Variants in MCTP2 observed in about 807,000 individuals in gnomAD.
MCTP2 encodes the protein multiple C2 and transmembrane domain containing 2.
A neutral mutation model predicts 111.6 loss-of-function variants in MCTP2; 132 were observed. The ratio of observed to expected loss-of-function variants is 1.18; its 90% CI spans 1.03 to 1.37. The LOEUF (loss-of-function observed/expected upper bound fraction) is 1.37. MCTP2 is among the 40% of genes most tolerant of loss of function. The pLI is 0.00. For missense variants in MCTP2, 1,183 were observed against 1,067.9 expected (o/e 1.11, Z -1.50); for synonymous variants, 395 against 387.7 (o/e 1.02, Z -0.22).
In MCTP2 at chr15:94,369,801, G is replaced by A. The variant is rs73450106; in HGVS notation, c.1489-286G>A. On this transcript the variant is annotated intron_variant, in intron 11 of 22. Transcript: ENST00000357742. Reference sequence around the variant, plus strand: ...AATTCTACCCACACGTTTTCCTGGTGGGATATCTATGCCATCACCAGGGGC... The same window carrying A: ...AATTCTACCCACACGTTTTCCTGGTAGGATATCTATGCCATCACCAGGGGC... Among the ~76,000 whole-genome samples the A allele has an allele frequency of 0.032, 4,934 of 152,226 alleles. 263 individuals are homozygous for A. The highest frequency in any genetic ancestry group is 0.11 in the African/African-American group (4,523 of 41,504).
rs1013894775 is a variant in MCTP2, at chr15:94,479,990, G to A, written c.*956G>A. ...AGCAGGAAGTAGAAATACTTTGGCTGCCCAAATGTATCTTTTGTTCCTCTT... is the reference window on the plus strand; with the variant it reads ...AGCAGGAAGTAGAAATACTTTGGCTACCCAAATGTATCTTTTGTTCCTCTT... On this transcript the variant is annotated 3_prime_UTR_variant, in exon 23 of 23. Transcript: ENST00000357742. The A allele has an allele frequency of 6.6e-6, 1 of 152,068 alleles. No individual in the cohort carries two copies. Among genetic ancestry groups the A allele is most frequent in the South Asian group, 2.1e-4 (1 of 4,820 alleles). The allele number at this position is 152,068 out of a possible 1,614,324, so 9.4% of individuals were successfully genotyped here. A position where few individuals can be genotyped will look rare whatever the true frequency, so the allele number is the denominator to read the frequency against.
intron 7 of MCTP2, 113 bp downstream of exon 7, chr15:94,341,037 G>T (rs757212228): frequency 1.4e-6 from 1 of 701,240 alleles, no homozygotes; most frequent in South Asian, 1.6e-5. Flanking sequence ...AATTATTTTA[G>T]GGGGGGTGCA....
intron 8 of MCTP2, among the ~76,000 whole-genome samples, chr15:94,349,044 G>A (rs1042761095): frequency 5.3e-5 from 8 of 151,832 alleles, no homozygotes; most frequent in Non-Finnish European, 7.4e-5. Flanking sequence ...GTCTCTATCT[G>A]TCTTCTATCT....
At position 94,340,227 on chromosome 15, in the gene MCTP2, A is replaced by AT. The variant is rs1214862082; in HGVS notation, c.812dup (p.Met272HisfsTer10). 4 of 1,613,022 alleles carry AT rather than the reference A, an allele frequency of 2.5e-6. No homozygotes were observed. Among genetic ancestry groups the AT allele is most frequent in the Admixed American group, 3.3e-5 (2 of 59,972 alleles). ...TATGATCGAGATTTAACCACATCTG[A>AT]TTTCATGGGTTCTGCATTTGTCATT... is the stretch of plus-strand genomic sequence containing the variant. On this transcript the variant is annotated frameshift_variant, in exon 6 of 23. Coordinates refer to ENST00000357742, the MANE Select transcript of MCTP2 (RefSeq NM_001385001.1). LOFTEE classifies it high-confidence loss of function.
Position 94,340,307 on chromosome 15 carries a change from A to T in MCTP2, c.857+32A>T, listed in dbSNP as rs2077566373. On this transcript the variant is annotated intron_variant, in intron 6 of 22. Coordinates refer to ENST00000357742, the MANE Select transcript of MCTP2 (RefSeq NM_001385001.1). ...TATTTTTACATTTTAATTGTTATTG[A>T]TGAGTTTTAGAGGGAACTTACGATA... 8 of 1,518,348 alleles carry T rather than the reference A, an allele frequency of 5.3e-6. No individual in the cohort carries two copies. In the East Asian group the frequency reaches 1.8e-4, roughly 34 times the overall value. 94.1% of individuals were successfully genotyped at this position (1,518,348 alleles called of 1,614,324 possible). A position where few individuals can be genotyped will look rare whatever the true frequency, so the allele number is the denominator to read the frequency against.
chr15:94,478,225 C>T (rs954765704), intron 22 of MCTP2, among the ~76,000 whole-genome samples: 1 of 152,202 alleles, frequency 6.6e-6, no homozygotes, highest in African/African-American at 2.4e-5. Flanking sequence ...TCCCTCAAGC[C>T]CCCAAGGATT....
rs1567765587 is a variant in MCTP2 at position 94,464,371 on chromosome 15, G to GATTTAATGTTGTTTATAATATCCTCTT, written c.2361-5944_2361-5943insTATCCTCTTATTTAATGTTGTTTATAA. On this transcript the variant is annotated intron_variant, in intron 20 of 22. Coordinates refer to ENST00000357742, the MANE Select transcript of MCTP2 (RefSeq NM_001385001.1). ...CTTTCATATAAATTTTCTACTTGTT[G>GATTTAATGTTGTTTATAATATCCTCTT]ATTTAATGTTGTTTATAACATCCTC... Among the ~76,000 whole-genome samples, 8 of 133,978 alleles carry GATTTAATGTTGTTTATAATATCCTCTT rather than the reference G, an allele frequency of 6.0e-5. No individual in the cohort carries two copies. In the East Asian group the frequency reaches 1.0e-3, roughly 17 times the overall value. The allele number at this position is 133,978 out of a possible 152,430, so 87.9% of individuals were successfully genotyped here.
At chr15:94,468,817 G>A (rs969191031) in intron 20 of MCTP2, among the ~76,000 whole-genome samples, 5 of 152,044 alleles carry the variant, frequency 3.3e-5, no homozygotes, top group African/African-American at 1.2e-4. Flanking sequence ...TAGTAGAGAT[G>A]AGATTTCACC....
At chr15:94,259,654 AT>A (rs2073061396) in intron 1 of MCTP2, among the ~76,000 whole-genome samples, 1 of 152,166 alleles carries the variant, frequency 6.6e-6, no homozygotes, top group African/African-American at 2.4e-5. Flanking sequence ...AAATTCTTAA[AT>A]TTCTGAACTC....
intron 20 of MCTP2, among the ~76,000 whole-genome samples, chr15:94,461,513 C>T (rs967505565): frequency 2.0e-5 from 3 of 152,062 alleles, no homozygotes; most frequent in African/African-American, 7.2e-5. Flanking sequence ...AGACAGCAGG[C>T]AGAGTGGTGC....
At chr15:94,241,101 T>A (rs954378471) in intron 1 of MCTP2, among the ~76,000 whole-genome samples, 2 of 151,216 alleles carry the variant, frequency 1.3e-5, no homozygotes, top group Non-Finnish European at 2.9e-5. Flanking sequence ...ACTCCACTTA[T>A]CCCCAGCAGA....
chr15:94,395,898 C>A (rs2081258631), intron 14 of MCTP2, among the ~76,000 whole-genome samples: 1 of 152,114 alleles, frequency 6.6e-6, no homozygotes, highest in Non-Finnish European at 1.5e-5. Flanking sequence ...CAGCTGTTAG[C>A]ATGCTCTATA....
intron 2 of MCTP2, among the ~76,000 whole-genome samples, chr15:94,313,256 ACT>A (rs1256627780): frequency 6.6e-6 from 1 of 151,918 alleles, no homozygotes; most frequent in African/African-American, 2.4e-5. Context: ...CAGCCCAGAA[ACT>A]CTGTTAAAGT....
intron 1 of MCTP2, among the ~76,000 whole-genome samples, chr15:94,243,652 T>C (rs2071326488): frequency 6.7e-6 from 1 of 149,208 alleles, no homozygotes; most frequent in African/African-American, 2.5e-5. Context: ...TATATATGTA[T>C]ACACATATGC....
At chr15:94,291,458 G>T (rs2075026364) in intron 1 of MCTP2, among the ~76,000 whole-genome samples, 1 of 152,018 alleles carries the variant, frequency 6.6e-6, no homozygotes. Flanking sequence ...CAAAATTGCC[G>T]AGAGTGGTGG....
intron 1 of MCTP2, among the ~76,000 whole-genome samples, chr15:94,244,965 T>C (rs2071674279): frequency 8.1e-6 from 1 of 123,750 alleles, no homozygotes; most frequent in Non-Finnish European, 1.9e-5. Context: ...TATATACGTA[T>C]ATGTATACAC....
intron 1 of MCTP2, among the ~76,000 whole-genome samples, chr15:94,245,299 T>G (rs187104579): frequency 7.0e-6 from 1 of 142,650 alleles, no homozygotes; most frequent in African/African-American, 2.5e-5. Context: ...TGTATATATT[T>G]ATATACATAT....
At chr15:94,265,303 TTA>T (rs2073452196) in intron 1 of MCTP2, among the ~76,000 whole-genome samples, 1 of 152,036 alleles carries the variant, frequency 6.6e-6, no homozygotes, top group African/African-American at 2.4e-5. Context: ...GCAACAGGGG[TTA>T]TATGAAAATG....
rs375615638 is a variant in MCTP2, at chr15:94,441,237, C to G, written c.2208+939C>G. ...AAGGTGGGAAAAATGAGTATTGTGG[C>G]AAGAGGAAAAACCTCAGGCAATTTC... On this transcript the variant is annotated intron_variant, in intron 18 of 22. Transcript: ENST00000357742. Among the ~76,000 whole-genome samples the G allele has an allele frequency of 8.3e-4, 126 of 152,196 alleles. 3 individuals are homozygous for G. In the South Asian group the frequency reaches 0.012, roughly 14 times the overall value.
Sources: allele counts gnomAD v4.1 joint callset (sites outside exome capture counted in the v4.1 genomes callset), GRCh38; gene constraint gnomAD v4.1.1; transcripts MANE v1.5; gene names NCBI Gene and HGNC (gene_info 2026-07-23, HGNC 2026-07-21).